The following COL7A1 variants were observed in gnomAD, a reference collection of about 807,000 sequenced individuals.
The protein encoded by COL7A1 is collagen alpha-1(VII) chain.
Under a neutral mutation model 456.2 loss-of-function variants are expected in COL7A1, and 296 were observed. That is an observed-to-expected ratio of 0.65 (90% CI 0.59 to 0.71). The LOEUF (loss-of-function observed/expected upper bound fraction) is 0.71. Ranked by LOEUF, COL7A1 falls within the 30% of genes least tolerant of loss-of-function variation. COL7A1 has a pLI of 0.00. For missense variants in COL7A1, 3,441 were observed against 4,017.2 expected (o/e 0.86, Z 3.88); for synonymous variants, 1,464 against 1,525.9 (o/e 0.96, Z 0.95).
intron 34 of COL7A1, 37 bp from the exon 35 acceptor site, chr3:48,584,806 T>A: frequency 6.2e-7 from 1 of 1,613,868 alleles, no homozygotes; most frequent in South Asian, 1.1e-5. Flanking sequence ...GTGCTTGGGC[T>A]CAGGCGAATG....
In COL7A1 at chr3:48,575,611, G is replaced by C; in HGVS notation, c.5979+15C>G. ...CACTCCACGGGGCACAACCCACTGA[G>C]CCACTTCTGCTCACCTCCTTGCCTG... On this transcript the variant is annotated intron_variant, in intron 73 of 118. Coordinates refer to ENST00000681320, the MANE Select transcript of COL7A1 (RefSeq NM_000094.4). The surrounding 1 kb of genome is among the most constrained non-coding windows in gnomAD (Gnocchi z 6.3). 1 of 1,612,980 alleles carries C rather than the reference G, an allele frequency of 6.2e-7. No individual in the cohort carries two copies. The highest frequency in any genetic ancestry group is 1.1e-5 in the South Asian group (1 of 91,092).
In COL7A1 at chr3:48,590,520, C is replaced by T. The variant is rs1278574309; in HGVS notation, c.1845G>A (p.Arg615=). Residue 615 remains arginine (R), a synonymous_variant, in exon 15 of 119, where the codon AGG becomes AGA. Coordinates refer to ENST00000681320, the MANE Select transcript of COL7A1 (RefSeq NM_000094.4). This position sits in a 1 kb window ranked among gnomAD's most constrained non-coding sequence, Gnocchi z 4.6. The part of the protein sequence containing the change: ...RVVVSDATRV[R]VAWGPVPGAS... ...CTCCAGGGACGGGTCCCCAGGCCAC[C>T]CTCACTCGCGTTGCATCTGACACCA... is the stretch of plus-strand genomic sequence containing the variant. The T allele has an allele frequency of 1.4e-5, 22 of 1,614,178 alleles. No individual in the cohort carries two copies. Among genetic ancestry groups the T allele is most frequent in the Non-Finnish European group, 1.8e-5 (21 of 1,180,032 alleles).
rs1399673436 is a variant in COL7A1 at position 48,567,471 on chromosome 3, A to G, written c.8046+103T>C. Reference sequence around the variant, plus strand: ...CCCCACTTCAGCCCCCAAAGTCCCAACCCTCTACAGCCTTCCTTGTCCCTA... The same window carrying G: ...CCCCACTTCAGCCCCCAAAGTCCCAGCCCTCTACAGCCTTCCTTGTCCCTA... On this transcript the variant is annotated intron_variant, in intron 109 of 118. Transcript: ENST00000681320. This position sits in a 1 kb window ranked among gnomAD's most constrained non-coding sequence, Gnocchi z 4.3. The G allele has an allele frequency of 6.6e-7, 1 of 1,525,310 alleles. No individual in the cohort carries two copies. The highest frequency in any genetic ancestry group is 9.1e-7 in the Non-Finnish European group (1 of 1,101,872). The allele number at this position is 1,525,310 out of a possible 1,614,324, so 94.5% of individuals were successfully genotyped here.
In COL7A1 at chr3:48,584,751, C is replaced by T; in HGVS notation, c.4030G>A (p.Gly1344Ser). Residue 1344 changes from glycine (G) to serine (S), a missense_variant, in exon 35 of 119, where the codon GGC becomes AGC. Physicochemically the swap from Gly to Ser is moderately conservative, Grantham distance 56. Coordinates refer to ENST00000681320, the MANE Select transcript of COL7A1 (RefSeq NM_000094.4). ...RGDPGERGPR[G>S]PKGEPGAPGQ... ...TCACCTACCGGCTCCCCCTTTGGGCCTCGAGGTCCTCGCTCTCCCTGAGGA... is the reference window on the plus strand; with the variant it reads ...TCACCTACCGGCTCCCCCTTTGGGCTTCGAGGTCCTCGCTCTCCCTGAGGA... The T allele has an allele frequency of 6.2e-7, 1 of 1,614,000 alleles. No homozygotes were observed. The highest frequency in any genetic ancestry group is 8.5e-7 in the Non-Finnish European group (1 of 1,180,022).
chr3:48,583,904 A>G lies in COL7A1; in HGVS notation c.4274T>C (p.Leu1425Pro), dbSNP rs745975162. ...EGGIAPGEPG[L>P]PGLPGSPGPQ... ...CAGAGCCTCAAGGCCCCTCACCGGC[A>G]GCCCAGGCTCCCCAGGAGCAATGCC... is the stretch of plus-strand genomic sequence containing the variant. Residue 1425 changes from leucine (L) to proline (P), a missense_variant, in exon 39 of 119, where the codon CTG becomes CCG. Leu to Pro is a moderately conservative substitution (Grantham distance 98). Around this residue, in one of 3 missense-constraint regions of COL7A1, gnomAD observed 2,084 missense variants for 2,501.3 expected, o/e 0.83. Transcript: ENST00000681320. This position sits in a 1 kb window ranked among gnomAD's most constrained non-coding sequence, Gnocchi z 5.1. The G allele has an allele frequency of 2.6e-5, 42 of 1,613,916 alleles. No homozygotes were observed. In the South Asian group the frequency reaches 3.7e-4, roughly 14 times the overall value.
Position 48,592,812 on chromosome 3 carries a change from G to A in COL7A1, c.809C>T (p.Thr270Met), listed in dbSNP as rs376502783. The A allele has an allele frequency of 8.3e-5, 134 of 1,613,634 alleles. No individual in the cohort carries two copies. Among genetic ancestry groups the A allele is most frequent in the East Asian group, 1.8e-4 (8 of 44,898 alleles). ...TGYKVQYTPL[T>M]GLGQPLPSER... Reference sequence around the variant, plus strand: ...ACTCGGCAGTGGCTGTCCCAGCCCCGTCAGAGGAGTGTACTGGACCTTGTA... The same window carrying A: ...ACTCGGCAGTGGCTGTCCCAGCCCCATCAGAGGAGTGTACTGGACCTTGTA... The change falls in exon 7 of 119, where the codon ACG (threonine) becomes ATG (methionine). Residue 270 changes from threonine (T) to methionine (M), a missense_variant. Around this residue, in one of 3 missense-constraint regions of COL7A1, gnomAD observed 913 missense variants for 1,088.2 expected, o/e 0.84. Transcript: ENST00000681320. The surrounding 1 kb of genome is among the most constrained non-coding windows in gnomAD (Gnocchi z 7.6).
At position 48,581,119 on chromosome 3, in the gene COL7A1, C is replaced by T; in HGVS notation, c.4935+3G>A. On this transcript the variant is annotated splice_donor_region_variant and intron_variant, in intron 53 of 118. Coordinates refer to ENST00000681320, the MANE Select transcript of COL7A1 (RefSeq NM_000094.4). The surrounding 1 kb of genome is among the most constrained non-coding windows in gnomAD (Gnocchi z 5.8). ...CAGAAACCACAGTGGGAAGGAGTCT[C>T]ACCGGAGGACCCTCGTCACCTTTCT... is the stretch of plus-strand genomic sequence containing the variant. 5 of 1,613,984 alleles carry T rather than the reference C, an allele frequency of 3.1e-6. No individual in the cohort carries two copies. The highest frequency in any genetic ancestry group is 4.2e-6 in the Non-Finnish European group (5 of 1,180,004).
chr3:48,589,000 G>T lies in COL7A1; in HGVS notation c.2315-5C>A. 1 of 1,613,380 alleles carries T rather than the reference G, an allele frequency of 6.2e-7. No homozygotes were observed. The highest frequency in any genetic ancestry group is 8.5e-7 in the Non-Finnish European group (1 of 1,180,032). ...CACGACCCACAGGCTCAGGGGCTGG[G>T]GACAGAGGCAAGGTAAGGGGTCCTG... On this transcript the variant is annotated splice_polypyrimidine_tract_variant and splice_region_variant and intron_variant, in intron 18 of 118. Transcript: ENST00000681320. This position sits in a 1 kb window ranked among gnomAD's most constrained non-coding sequence, Gnocchi z 4.6.
At chr3:48,576,499 C>G (rs1275600845) in intron 69 of COL7A1, 23 bp downstream of exon 69, 1 of 1,612,204 alleles carries the variant, frequency 6.2e-7, no homozygotes, top group Admixed American at 1.7e-5. Flanking sequence ...TCACCACGCC[C>G]CCTACCCAAC....
In COL7A1 at chr3:48,569,677, T is replaced by G. The variant is rs1400176560; in HGVS notation, c.7558-29A>C. ...AGGGGGCAGGCAGGAATCAGAGGAG[T>G]CGGGAGCACCCTGGCCCCTGCCCTG... On this transcript the variant is annotated intron_variant, in intron 101 of 118. Coordinates refer to ENST00000681320, the MANE Select transcript of COL7A1 (RefSeq NM_000094.4). This position sits in a 1 kb window ranked among gnomAD's most constrained non-coding sequence, Gnocchi z 4.9. 6.2e-7 allele frequency: 1 copy of G among 1,612,930 alleles called. No homozygotes were observed. The highest frequency in any genetic ancestry group is 2.2e-5 in the East Asian group (1 of 44,802).
In COL7A1 at chr3:48,590,395, T is replaced by G. The variant is rs1323094876; in HGVS notation, c.1907-39A>C. ...GAAATGCTGGCATGGCTCCTGCCTG[T>G]CCCCTCTGGCACCCATACCCTCATT... On this transcript the variant is annotated intron_variant, in intron 15 of 118. Transcript: ENST00000681320. The surrounding 1 kb of genome is among the most constrained non-coding windows in gnomAD (Gnocchi z 4.6). 6.2e-6 allele frequency: 10 copies of G among 1,613,842 alleles called. No individual in the cohort carries two copies. The African/African-American group carries it at 1.1e-4, about 17-fold the overall frequency.
rs769775613 is a variant in COL7A1 at position 48,573,886 on chromosome 3, A to G, written c.6506T>C (p.Leu2169Pro). ...GCCAGGGGGGCCTCTTGGACCCTGC[A>G]GACCCTACATAGAGAGGGCACTGAT... ...GMAGPEGKPGLQGPRGPPGPV... is the reference protein window; with the variant it reads ...GMAGPEGKPGPQGPRGPPGPV... Residue 2169 changes from leucine to proline, a missense_variant, in exon 81 of 119, where the codon CTG (leucine) becomes CCG (proline). Transcript: ENST00000681320. This position sits in a 1 kb window ranked among gnomAD's most constrained non-coding sequence, Gnocchi z 5.5. The G allele has an allele frequency of 2.5e-6, 4 of 1,613,666 alleles. No homozygotes were observed. The South Asian group carries it at 4.4e-5, about 18-fold the overall frequency.
In COL7A1 at chr3:48,589,364, G is replaced by C. The variant is rs144756110; in HGVS notation, c.2277C>G (p.Gly759=). 5.6e-6 allele frequency: 9 copies of C among 1,611,824 alleles called. No individual in the cohort carries two copies. ...YTVHVRAHVA[G]VDGPPASVVV... ...CCACAGAGGCAGGGGGCCCATCCAC[G>C]CCAGCCACATGGGCCCTCACATGCA... Residue 759 remains glycine, a synonymous_variant, in exon 18 of 119, where the codon GGC becomes GGG. Transcript: ENST00000681320.
chr3:48,571,040 T>G lies in COL7A1; in HGVS notation c.7164+61A>C. ...TCCCAGGACTCTCATCAGAACTCCC[T>G]CTTCCTCCTGTGGGGGCCCGGCCTG... On this transcript the variant is annotated intron_variant, in intron 94 of 118. Coordinates refer to ENST00000681320, the MANE Select transcript of COL7A1 (RefSeq NM_000094.4). This position sits in a 1 kb window ranked among gnomAD's most constrained non-coding sequence, Gnocchi z 4.6. The G allele has an allele frequency of 1.2e-6, 2 of 1,611,838 alleles. No individual in the cohort carries two copies. Among genetic ancestry groups the G allele is most frequent in the South Asian group, 1.1e-5 (1 of 91,022 alleles).
rs188978813 is a variant in COL7A1 at position 48,592,791 on chromosome 3, G to A, written c.830C>T (p.Pro277Leu). Residue 277 changes from proline to leucine, a missense_variant, in exon 7 of 119, where the codon CCG (proline) becomes CTG (leucine). Around this residue, in one of 3 missense-constraint regions of COL7A1, gnomAD observed 913 missense variants for 1,088.2 expected, o/e 0.84. Transcript: ENST00000681320. This position sits in a 1 kb window ranked among gnomAD's most constrained non-coding sequence, Gnocchi z 7.6. ...TPLTGLGQPL[P>L]SERQEVNVPA... ...ACATCCTACCTCCTGCCGCTCACTCGGCAGTGGCTGTCCCAGCCCCGTCAG... is the reference window on the plus strand; with the variant it reads ...ACATCCTACCTCCTGCCGCTCACTCAGCAGTGGCTGTCCCAGCCCCGTCAG... 30 of 1,613,766 alleles carry A rather than the reference G, an allele frequency of 1.9e-5. No individual in the cohort carries two copies. In the African/African-American group the frequency reaches 3.1e-4, roughly 16 times the overall value.
chr3:48,577,934 G>A (rs748312917), intron 65 of COL7A1, among the ~76,000 whole-genome samples: 1 of 152,302 alleles, frequency 6.6e-6, no homozygotes, highest in East Asian at 1.9e-4. Context: ...TTAGGAGGCC[G>A]AGGCGGGCGG....
At position 48,588,231 on chromosome 3, in the gene COL7A1, C is replaced by CACAGCCCT; in HGVS notation, c.2710+43_2710+50dup. On this transcript the variant is annotated intron_variant, in intron 21 of 118. Coordinates refer to ENST00000681320, the MANE Select transcript of COL7A1 (RefSeq NM_000094.4). This position sits in a 1 kb window ranked among gnomAD's most constrained non-coding sequence, Gnocchi z 4.6. ...TCCTCGCCTACCTTGCGGAGTCTGC[C>CACAGCCCT]ACAGCCCTGCCCCCAATGGTCCCTA... 1 of 1,612,528 alleles carries CACAGCCCT rather than the reference C, an allele frequency of 6.2e-7. No homozygotes were observed. Among genetic ancestry groups the CACAGCCCT allele is most frequent in the Non-Finnish European group, 8.5e-7 (1 of 1,179,898 alleles).
rs1306927732 is a variant in COL7A1, at chr3:48,566,186, C to T, written c.8407+81G>A. The T allele has an allele frequency of 6.9e-6, 10 of 1,450,500 alleles. No individual in the cohort carries two copies. The Admixed American group carries it at 1.6e-4, about 23-fold the overall frequency. The allele number at this position is 1,450,500 out of a possible 1,614,324, so 89.9% of individuals were successfully genotyped here. On this transcript the variant is annotated intron_variant, in intron 114 of 118. Coordinates refer to ENST00000681320, the MANE Select transcript of COL7A1 (RefSeq NM_000094.4). The surrounding 1 kb of genome is among the most constrained non-coding windows in gnomAD (Gnocchi z 5.9). ...ATCCCCCCATCTTCTTGACTGCTTG[C>T]CCTGTAAGTTCTAGGGGCCTGCCTG...
Position 48,568,266 on chromosome 3 carries a change from A to T in COL7A1, c.7795-96T>A. The T allele has an allele frequency of 7.0e-7, 1 of 1,423,446 alleles. No homozygotes were observed. Among genetic ancestry groups the T allele is most frequent in the Non-Finnish European group, 9.8e-7 (1 of 1,019,862 alleles). The allele number at this position is 1,423,446 out of a possible 1,614,324, so 88.2% of individuals were successfully genotyped here. ...TGGGTAGGGAACACCATGGGGTGGG[A>T]GTCACCTCTGGAGGCCAGAGCCACT... On this transcript the variant is annotated intron_variant, in intron 105 of 118. Transcript: ENST00000681320. The surrounding 1 kb of genome is among the most constrained non-coding windows in gnomAD (Gnocchi z 5.2).
Sources: gnomAD v4.1 joint callset for allele counts (sites outside exome capture counted in the v4.1 genomes callset) on GRCh38, gnomAD v4.1.1 for gene constraint, gnomAD v4.1.1 regional missense constraint, Gnocchi (gnomAD v3.1) non-coding constraint, MANE v1.5 for transcripts, NCBI Gene and HGNC (gene_info 2026-07-23, HGNC 2026-07-21) for gene names.